Variants in CAPN3 observed in about 807,000 individuals in gnomAD.
CAPN3 encodes calpain-3.
A neutral mutation model predicts 114.0 loss-of-function variants in CAPN3; 88 were observed. That is an observed-to-expected ratio of 0.77 (90% CI 0.65 to 0.92). CAPN3 has a LOEUF of 0.92. Among genes scored for constraint, CAPN3 ranks in the 40% least tolerant of loss-of-function variants. The pLI is 0.00. For missense variants in CAPN3, 1,028 were observed against 1,069.0 expected, an observed-to-expected ratio of 0.96 and a Z score of 0.53; for synonymous variants, 386 against 382.9, an observed-to-expected ratio of 1.01 and a Z score of -0.09.
intron 1 of CAPN3, among the ~76,000 whole-genome samples, chr15:42,364,777 T>G (rs1386501185): frequency 1.3e-5 from 2 of 152,208 alleles, no homozygotes; most frequent in Non-Finnish European, 2.9e-5. Context: ...GAGACCAACT[T>G]GCTGAGCAAG....
chr15:42,366,288 T>C (rs1329195711), intron 1 of CAPN3, among the ~76,000 whole-genome samples: 3 of 152,202 alleles, frequency 2.0e-5, no homozygotes, highest in African/African-American at 7.2e-5. Flanking sequence ...GCTCTTTCTT[T>C]CTTCCGTGCT....
chr15:42,389,124 G>C lies in CAPN3; in HGVS notation c.801+28G>C. 4.3e-6 allele frequency: 7 copies of C among 1,611,062 alleles called. No individual in the cohort carries two copies. The Admixed American group carries it at 1.0e-4, about 23-fold the overall frequency. On this transcript the variant is annotated intron_variant, in intron 5 of 23. Transcript: ENST00000397163. Reference sequence around the variant, plus strand: ...AAGTCTGGGGTGTGGGGCACAGGGTGGGGAGCTCCAAGTGTCAGGAAGCCT... The same window carrying C: ...AAGTCTGGGGTGTGGGGCACAGGGTCGGGAGCTCCAAGTGTCAGGAAGCCT...
chr15:42,410,431 G>A lies in CAPN3; in HGVS notation c.2119G>A (p.Asp707Asn). 6.2e-7 allele frequency: 1 copy of A among 1,614,104 alleles called. No homozygotes were observed. Among genetic ancestry groups the A allele is most frequent in the Non-Finnish European group, 8.5e-7 (1 of 1,179,976 alleles). Residue 707 changes from aspartate (D) to asparagine (N), a missense_variant, in exon 20 of 24, where the codon GAT becomes AAT. Asp to Asn is a conservative substitution (Grantham distance 23). Coordinates refer to ENST00000397163, the MANE Select transcript of CAPN3 (RefSeq NM_000070.3). ...CRSMIALMDT[D>N]GSGKLNLQEF... ...AGCCCTGACCTCCCTCCTCCAGACAGATGGCTCTGGAAAGCTCAACCTGCA... is the reference window on the plus strand; with the variant it reads ...AGCCCTGACCTCCCTCCTCCAGACAAATGGCTCTGGAAAGCTCAACCTGCA...
At chr15:42,384,951 G>A (rs1396404315) in intron 2 of CAPN3, among the ~76,000 whole-genome samples, 6 of 152,184 alleles carry the variant, frequency 3.9e-5, no homozygotes, top group Non-Finnish European at 1.5e-5. Context: ...GCATCGCCAA[G>A]GAAAGCACTT....
intron 2 of CAPN3, 68 bp downstream of exon 2, chr15:42,384,620 C>A: frequency 8.5e-7 from 1 of 1,170,064 alleles, no homozygotes; most frequent in Non-Finnish European, 1.3e-6. Flanking sequence ...TGATCCCCTT[C>A]CAGGAGGTAA....
intron 1 of CAPN3, among the ~76,000 whole-genome samples, chr15:42,372,717 G>A (rs2052985819): frequency 6.6e-6 from 1 of 152,058 alleles, no homozygotes; most frequent in Non-Finnish European, 1.5e-5. Context: ...GCGTGATGGT[G>A]GGTGCCTGTA....
chr15:42,410,474 G>C lies in CAPN3; in HGVS notation c.2162G>C (p.Trp721Ser), dbSNP rs774048414. ...AACCTGCAGGAGTTCCACCACCTCT[G>C]GAACAAGATTAAGGCCTGGCAGGTG... Reference protein sequence around the residue: ...KLNLQEFHHLWNKIKAWQKIF... With the variant: ...KLNLQEFHHLSNKIKAWQKIF... The change falls in exon 20 of 24, where the codon TGG becomes TCG. Residue 721 changes from tryptophan to serine, a missense_variant. Transcript: ENST00000397163. 1.8e-5 allele frequency: 29 copies of C among 1,614,000 alleles called. 1 individual carries two copies. The highest frequency in any genetic ancestry group is 9.9e-5 in the South Asian group (9 of 91,078).
chr15:42,369,829 C>G (rs574007094), intron 1 of CAPN3, among the ~76,000 whole-genome samples: 1 of 151,948 alleles, frequency 6.6e-6, no homozygotes, highest in African/African-American at 2.4e-5. Flanking sequence ...ACCAACTTCC[C>G]CAGCACTTGG....
chr15:42,396,101 G>A (rs1342664012), intron 8 of CAPN3, among the ~76,000 whole-genome samples: 1 of 152,244 alleles, frequency 6.6e-6, no homozygotes, highest in East Asian at 1.9e-4. Context: ...GCCCATCCCA[G>A]CCCTGTGAAC....
chr15:42,410,541 T>C, intron 20 of CAPN3, 45 bp downstream of exon 20: 1 of 1,611,184 alleles, frequency 6.2e-7, no homozygotes, highest in Non-Finnish European at 8.5e-7. Context: ...TGGGGTTGAT[T>C]TGGAGATTCA....
chr15:42,390,774 T>G, intron 6 of CAPN3, among the ~76,000 whole-genome samples: 1 of 149,326 alleles, frequency 6.7e-6, no homozygotes, highest in South Asian at 2.1e-4. Flanking sequence ...TTTCAGTTAG[T>G]TTTTTTTGTT....
intron 1 of CAPN3, among the ~76,000 whole-genome samples, chr15:42,364,686 A>G (rs537832008): frequency 6.6e-6 from 1 of 152,368 alleles, no homozygotes; most frequent in East Asian, 1.9e-4. Context: ...TCATAGAGCC[A>G]GGAAGGAGAC....
At chr15:42,390,778 TTTTG>T (rs1467364900) in intron 6 of CAPN3, among the ~76,000 whole-genome samples, 1 of 149,456 alleles carries the variant, frequency 6.7e-6, no homozygotes, top group African/African-American at 2.5e-5. Flanking sequence ...AGTTAGTTTT[TTTTG>T]TTTTTTTGTT....
chr15:42,364,372 G>A (rs996002231), intron 1 of CAPN3, among the ~76,000 whole-genome samples: 1 of 152,216 alleles, frequency 6.6e-6, no homozygotes, highest in Non-Finnish European at 1.5e-5. Context: ...CCAGCACATG[G>A]TTGAGTGCTC....
chr15:42,390,148 C>T (rs757909241), intron 6 of CAPN3, 52 bp downstream of exon 6: 1 of 1,605,874 alleles, frequency 6.2e-7, no homozygotes. Context: ...CCCACATGAC[C>T]CCGCCCTATT....
chr15:42,377,106 C>T (rs913175874), intron 1 of CAPN3, among the ~76,000 whole-genome samples: 1 of 151,676 alleles, frequency 6.6e-6, no homozygotes, highest in Admixed American at 6.6e-5. Context: ...ACAATTGTGT[C>T]ATCTGTAAAT....
At chr15:42,402,077 C>T in intron 11 of CAPN3, 47 bp from the exon 12 acceptor site, 1 of 1,613,330 alleles carries the variant, frequency 6.2e-7, no homozygotes, top group Non-Finnish European at 8.5e-7. Context: ...GCAGGCTCCT[C>T]ATCCTCATTC....
At chr15:42,409,036 C>T in intron 16 of CAPN3, 1 of 509,736 alleles carries the variant, frequency 2.0e-6, no homozygotes, top group Non-Finnish European at 3.5e-6. Flanking sequence ...GGGGCTCTTG[C>T]AGGTGGGGAC....
chr15:42,397,780 G>C (rs1341307925), intron 9 of CAPN3, among the ~76,000 whole-genome samples: 1 of 151,998 alleles, frequency 6.6e-6, no homozygotes, highest in Non-Finnish European at 1.5e-5. Flanking sequence ...CAAACTCCTG[G>C]GCTCAAGCGG....
Sources: allele counts gnomAD v4.1 joint callset (sites outside exome capture counted in the v4.1 genomes callset), GRCh38; gene constraint gnomAD v4.1.1; transcripts MANE v1.5; gene names NCBI Gene and HGNC (gene_info 2026-07-23, HGNC 2026-07-21).